The following PSTPIP2 variants were observed in gnomAD, a reference collection of about 807,000 sequenced individuals.
The protein encoded by PSTPIP2 is proline-serine-threonine phosphatase-interacting protein 2.
Under a neutral mutation model 63.3 loss-of-function variants are expected in PSTPIP2, and 33 were observed. The ratio of observed to expected loss-of-function variants is 0.52; its 90% CI spans 0.40 to 0.70. The LOEUF (loss-of-function observed/expected upper bound fraction) is 0.70, where lower values mean the gene tolerates loss of function less well. Among genes scored for constraint, PSTPIP2 ranks in the 30% least tolerant of loss-of-function variants. The probability of loss-of-function intolerance (pLI) is 0.00; values close to 1 mark genes in which losing one functional copy is unlikely to be tolerated. For synonymous variants in PSTPIP2, 125 were observed against 132.7 expected (o/e 0.94, Z 0.40); for missense variants, 312 against 400.7 (o/e 0.78, Z 1.89).
chr18:46,070,480 A>G (rs1276460055), intron 1 of PSTPIP2, among the ~76,000 whole-genome samples: 1 of 152,210 alleles, frequency 6.6e-6, no homozygotes, highest in East Asian at 1.9e-4. Flanking sequence ...CTGTGGCTAA[A>G]TACTGAGGAT....
At chr18:46,025,109 C>T (rs1907531636) in intron 2 of PSTPIP2, among the ~76,000 whole-genome samples, 1 of 152,070 alleles carries the variant, frequency 6.6e-6, no homozygotes, top group Admixed American at 6.6e-5. Context: ...TCAGCATGCC[C>T]TATAAAAACA....
intron 1 of PSTPIP2, among the ~76,000 whole-genome samples, chr18:46,068,973 GTCA>G: frequency 6.6e-6 from 1 of 152,118 alleles, no homozygotes; most frequent in East Asian, 1.9e-4. Context: ...ACTTTCCCTA[GTCA>G]ATCCCAGGCA....
chr18:46,023,356 T>C (rs996050433), intron 3 of PSTPIP2, among the ~76,000 whole-genome samples: 1 of 150,378 alleles, frequency 6.6e-6, no homozygotes, highest in African/African-American at 2.5e-5. Context: ...AGGTGGGGGG[T>C]TCAAGACCAG....
Position 46,072,178 on chromosome 18 carries a change from G to A in PSTPIP2, c.11C>T (p.Ser4Leu). Reference sequence around the variant, plus strand: ...TACCCAAAAGTTTCCCTTGAACAGTGAGCGCGTCATCGCAGCGCGAGTGGG... The same window carrying A: ...TACCCAAAAGTTTCCCTTGAACAGTAAGCGCGTCATCGCAGCGCGAGTGGG... Reference protein sequence around the residue: MTRSLFKGNFWSAD... With the variant: MTRLLFKGNFWSAD... The change falls in exon 1 of 15, where the codon TCA becomes TTA. Residue 4 changes from serine (S) to leucine (L), a missense_variant. Ser to Leu is a moderately radical substitution (Grantham distance 145). Transcript: ENST00000409746. 1.3e-6 allele frequency: 2 copies of A among 1,535,158 alleles called. No individual in the cohort carries two copies. The highest frequency in any genetic ancestry group is 1.8e-6 in the Non-Finnish European group (2 of 1,141,018).
chr18:46,064,511 C>T (rs1909112231), intron 1 of PSTPIP2, among the ~76,000 whole-genome samples: 1 of 145,262 alleles, frequency 6.9e-6, no homozygotes, highest in South Asian at 2.2e-4. Context: ...TGTTGACCAG[C>T]CTGGTCTCCA....
chr18:45,999,367 A>T (rs983604088), intron 7 of PSTPIP2, 69 bp downstream of exon 7: 4 of 1,370,568 alleles, frequency 2.9e-6, no homozygotes, highest in Non-Finnish European at 3.1e-6. Context: ...TCTTATGAAG[A>T]TTCATAATTG....
Position 46,044,433 on chromosome 18 carries a change from G to C in PSTPIP2, c.34-4386C>G, listed in dbSNP as rs558738218. Among the ~76,000 whole-genome samples the C allele has an allele frequency of 5.8e-4, 89 of 152,238 alleles. 1 individual carries two copies. Among genetic ancestry groups the C allele is most frequent in the Middle Eastern group, 3.4e-3 (1 of 294 alleles). ...AAGGATTCCCTATTTAATAAATGGT[G>C]CTGGGAAAACTGGCTAGCCATATGT... On this transcript the variant is annotated intron_variant, in intron 1 of 14. Transcript: ENST00000409746.
At chr18:46,049,326 G>C (rs1293315998) in intron 1 of PSTPIP2, among the ~76,000 whole-genome samples, 1 of 151,964 alleles carries the variant, frequency 6.6e-6, no homozygotes, top group Admixed American at 6.6e-5. Flanking sequence ...AGAGTGGAAG[G>C]AGGGAGATGA....
At chr18:46,050,793 A>C (rs781304434) in intron 1 of PSTPIP2, among the ~76,000 whole-genome samples, 2 of 152,072 alleles carry the variant, frequency 1.3e-5, no homozygotes, top group Non-Finnish European at 2.9e-5. Flanking sequence ...CAGGTCCACT[A>C]TATGTAACTG....
intron 1 of PSTPIP2, among the ~76,000 whole-genome samples, chr18:46,045,863 A>T (rs28528989): frequency 2.0e-5 from 3 of 152,184 alleles, no homozygotes; most frequent in Non-Finnish European, 2.9e-5. Context: ...AAGGAGACTC[A>T]CTTGAGCCCA....
intron 6 of PSTPIP2, among the ~76,000 whole-genome samples, chr18:46,000,721 A>G (rs1300592759): frequency 2.0e-5 from 3 of 152,240 alleles, no homozygotes; most frequent in Admixed American, 6.5e-5. Flanking sequence ...AACGTAGGCC[A>G]TGGTCTATCG....
At chr18:46,071,329 A>G (rs959396700) in intron 1 of PSTPIP2, among the ~76,000 whole-genome samples, 5 of 152,244 alleles carry the variant, frequency 3.3e-5, no homozygotes, top group African/African-American at 1.2e-4. Context: ...TCTTAAAGGG[A>G]TGAGGACAGC....
intron 2 of PSTPIP2, among the ~76,000 whole-genome samples, chr18:46,036,006 A>T (rs1907960328): frequency 6.6e-6 from 1 of 151,770 alleles, no homozygotes; most frequent in Non-Finnish European, 1.5e-5. Context: ...AGCTGACAGA[A>T]GGGTAAACTA....
At chr18:46,068,842 C>T (rs1297410524) in intron 1 of PSTPIP2, among the ~76,000 whole-genome samples, 1 of 152,124 alleles carries the variant, frequency 6.6e-6, no homozygotes, top group East Asian at 1.9e-4. Flanking sequence ...CCAGAGGCAA[C>T]ATCAGTTCAA....
intron 9 of PSTPIP2, among the ~76,000 whole-genome samples, chr18:45,997,212 G>A (rs759267020): frequency 3.9e-4 from 60 of 151,944 alleles, no homozygotes; most frequent in Admixed American, 1.3e-3. Flanking sequence ...TCTTGGAGAC[G>A]GAGTCTTGTT....
chr18:46,055,121 C>T (rs754523234), intron 1 of PSTPIP2, among the ~76,000 whole-genome samples: 4 of 152,134 alleles, frequency 2.6e-5, no homozygotes, highest in Non-Finnish European at 2.9e-5. Context: ...TCCTTTCCAG[C>T]CTCACTGTTA....
intron 13 of PSTPIP2, 150 bp downstream of exon 13, chr18:45,990,572 G>T: frequency 1.7e-6 from 1 of 577,922 alleles, no homozygotes; most frequent in South Asian, 2.1e-5. Flanking sequence ...TGGGATTACA[G>T]GCACGCACCA....
intron 1 of PSTPIP2, among the ~76,000 whole-genome samples, chr18:46,044,791 T>C (rs1173482891): frequency 2.0e-5 from 3 of 151,944 alleles, no homozygotes; most frequent in Admixed American, 2.0e-4. Context: ...GAATCTACAA[T>C]GAACTCAAAC....
At chr18:45,999,574 A>G in intron 6 of PSTPIP2, 40 bp from the exon 7 acceptor site, 2 of 1,607,696 alleles carry the variant, frequency 1.2e-6, no homozygotes, top group Non-Finnish European at 1.7e-6. Flanking sequence ...ACAAATGAAC[A>G]GAGTGTAACC....
Sources: allele counts gnomAD v4.1 joint callset (sites outside exome capture counted in the v4.1 genomes callset), GRCh38; gene constraint gnomAD v4.1.1; transcripts MANE v1.5; gene names NCBI Gene and HGNC (gene_info 2026-07-23, HGNC 2026-07-21).